The following MAST4 variants were observed in gnomAD, a reference collection of about 807,000 sequenced individuals.
MAST4 encodes microtubule associated serine/threonine kinase family member 4, also known as microtubule-associated serine/threonine-protein kinase 4.
Under a neutral mutation model 162.7 loss-of-function variants are expected in MAST4, and 89 were observed. The ratio of observed to expected loss-of-function variants is 0.55; its 90% CI spans 0.46 to 0.65. MAST4 has a LOEUF of 0.65. Ranked by LOEUF, MAST4 falls within the 30% of genes least tolerant of loss-of-function variation. The pLI, the probability that MAST4 is intolerant of heterozygous loss-of-function variation, is 0.00. For synonymous variants in MAST4, 1,479 were observed against 1,361.1 expected, an observed-to-expected ratio of 1.09 and a Z score of -1.91; for missense variants, 3,153 against 3,374.0, an observed-to-expected ratio of 0.93 and a Z score of 1.62.
intron 3 of MAST4, among the ~76,000 whole-genome samples, chr5:66,878,351 C>T (rs1047209513): frequency 6.6e-5 from 10 of 152,226 alleles, no homozygotes; most frequent in Admixed American, 5.2e-4. Flanking sequence ...ATGGCCAATT[C>T]TGTGTCCAGA....
intron 27 of MAST4, among the ~76,000 whole-genome samples, chr5:67,162,032 C>T (rs1773236983): frequency 6.6e-6 from 1 of 152,114 alleles, no homozygotes; most frequent in South Asian, 2.1e-4. Flanking sequence ...GTGTCTGCTG[C>T]CCTGCTGATA....
intron 3 of MAST4, among the ~76,000 whole-genome samples, chr5:66,815,084 T>C (rs1756654402): frequency 6.6e-6 from 1 of 152,224 alleles, no homozygotes; most frequent in Admixed American, 6.5e-5. Flanking sequence ...TTTGAAGGAA[T>C]AGACTTCATG....
intron 1 of MAST4, among the ~76,000 whole-genome samples, chr5:66,652,407 T>G (rs1215261560): frequency 1.3e-5 from 2 of 152,196 alleles, no homozygotes; most frequent in Admixed American, 6.5e-5. Flanking sequence ...TAATGAACAT[T>G]TAAATTAAAA....
At chr5:67,015,281 A>G (rs900974498) in intron 4 of MAST4, among the ~76,000 whole-genome samples, 3 of 152,194 alleles carry the variant, frequency 2.0e-5, no homozygotes, top group Admixed American at 2.0e-4. Context: ...TGTAAGTGGC[A>G]TGCCCAGCCT....
intron 1 of MAST4, among the ~76,000 whole-genome samples, chr5:66,606,407 C>G (rs1423997670): frequency 6.6e-6 from 1 of 152,088 alleles, no homozygotes. Flanking sequence ...CTTTAGGGCT[C>G]TCTGGCCATC....
At chr5:66,988,124 TG>T (rs1749712290) in intron 4 of MAST4, among the ~76,000 whole-genome samples, 1 of 152,232 alleles carries the variant, frequency 6.6e-6, no homozygotes, top group South Asian at 2.1e-4. Flanking sequence ...GACAGTTGGC[TG>T]GGGGCATTGT....
chr5:66,692,688 T>C (rs1749127384), intron 1 of MAST4, among the ~76,000 whole-genome samples: 1 of 152,216 alleles, frequency 6.6e-6, no homozygotes. Context: ...CATCGCCTTT[T>C]GATTCCCTTA....
At chr5:66,625,050 C>T (rs1035486030) in intron 1 of MAST4, among the ~76,000 whole-genome samples, 2 of 152,032 alleles carry the variant, frequency 1.3e-5, no homozygotes, top group African/African-American at 4.8e-5. Flanking sequence ...TTTTTTTGTA[C>T]ATGCAAAGCT....
At chr5:66,791,148 C>G (rs767664830) in intron 3 of MAST4, among the ~76,000 whole-genome samples, 1 of 152,154 alleles carries the variant, frequency 6.6e-6, no homozygotes, top group African/African-American at 2.4e-5. Flanking sequence ...CTCAGCCTCC[C>G]GAGTAGCTGG....
chr5:66,865,850 G>A (rs1364145579), intron 3 of MAST4, among the ~76,000 whole-genome samples: 1 of 152,118 alleles, frequency 6.6e-6, no homozygotes, highest in Non-Finnish European at 1.5e-5. Context: ...TGAGGTGGGC[G>A]GATCAGTTGA....
chr5:66,757,307 A>G (rs1406238429), intron 1 of MAST4, among the ~76,000 whole-genome samples: 1 of 152,274 alleles, frequency 6.6e-6, no homozygotes. Flanking sequence ...AGTAGAATGG[A>G]CCCTAACTTG....
At chr5:67,009,225 A>G (rs1440763506) in intron 4 of MAST4, among the ~76,000 whole-genome samples, 1 of 152,160 alleles carries the variant, frequency 6.6e-6, no homozygotes, top group Non-Finnish European at 1.5e-5. Context: ...AGTAAGAGAG[A>G]ATTTGGTCTC....
In MAST4 at chr5:67,166,344, G is replaced by T. The variant is rs186750554; in HGVS notation, c.7165G>T (p.Ala2389Ser). 2.5e-6 allele frequency: 4 copies of T among 1,606,088 alleles called. No homozygotes were observed. The highest frequency in any genetic ancestry group is 3.4e-6 in the Non-Finnish European group (4 of 1,176,272). The change falls in exon 29 of 29, where the codon GCC becomes TCC. Residue 2389 changes from alanine to serine, a missense_variant. Around this residue, in one of 7 missense-constraint regions of MAST4, gnomAD observed 1,644 missense variants for 1,495.0 expected, o/e 1.10. Transcript: ENST00000403625. ...YAPAEGDKLEAGLSFVHSENR... is the reference protein window; with the variant it reads ...YAPAEGDKLESGLSFVHSENR... ...TCCAGCAGAGGGCGACAAGCTCGAG[G>T]CCGGCCTTTCCTTTGTGCATAGCGA...
At chr5:67,092,530 A>C (rs566289424) in intron 6 of MAST4, among the ~76,000 whole-genome samples, 4 of 152,198 alleles carry the variant, frequency 2.6e-5, no homozygotes, top group Non-Finnish European at 5.9e-5. Context: ...TTTACAATCC[A>C]CCTGATTGTG....
At chr5:66,947,939 T>G (rs754213525) in intron 4 of MAST4, among the ~76,000 whole-genome samples, 7 of 152,172 alleles carry the variant, frequency 4.6e-5, no homozygotes. Context: ...GCCTGGAGAC[T>G]TTTTAAAAAA....
intron 19 of MAST4, 57 bp downstream of exon 19, chr5:67,136,721 G>A: frequency 7.5e-7 from 1 of 1,324,582 alleles, no homozygotes; most frequent in South Asian, 1.3e-5. Flanking sequence ...TCTACATGGA[G>A]CACTCTGAAG....
At position 67,057,321 on chromosome 5, in the gene MAST4, C is replaced by T. The variant is rs180909475; in HGVS notation, c.763+2829C>T. ...AAATGAGAAGGAAAAACCTCCATCT[C>T]TCAGCACTTATTAACCTAAAAGATA... On this transcript the variant is annotated intron_variant, in intron 5 of 28. Transcript: ENST00000403625. Among the ~76,000 whole-genome samples, 294 of 152,216 alleles carry T rather than the reference C, an allele frequency of 1.9e-3. 6 individuals are homozygous for T. Among genetic ancestry groups the T allele is most frequent in the Admixed American group, 0.018 (276 of 15,292 alleles).
chr5:66,645,102 A>G (rs1264592374), intron 1 of MAST4, among the ~76,000 whole-genome samples: 1 of 152,058 alleles, frequency 6.6e-6, no homozygotes, highest in Non-Finnish European at 1.5e-5. Flanking sequence ...TGGGATGGGA[A>G]GGGGAGACAC....
intron 4 of MAST4, among the ~76,000 whole-genome samples, chr5:66,959,464 C>T (rs1745734921): frequency 2.0e-5 from 3 of 152,176 alleles, no homozygotes; most frequent in Admixed American, 2.0e-4. Context: ...ATGTGGACAC[C>T]CAGACCAGCA....
Sources: allele counts gnomAD v4.1 joint callset (sites outside exome capture counted in the v4.1 genomes callset), GRCh38; gene constraint gnomAD v4.1.1; regional missense constraint gnomAD v4.1.1; transcripts MANE v1.5; gene names NCBI Gene and HGNC (gene_info 2026-07-23, HGNC 2026-07-21).